GRM7: variants seen among roughly 807,000 people sequenced by gnomAD.
The protein encoded by GRM7 is metabotropic glutamate receptor 7.
Under a neutral mutation model 84.5 loss-of-function variants are expected in GRM7, and 35 were observed. The observed-to-expected ratio is 0.41, with a 90% CI of 0.32 to 0.55. GRM7 has a LOEUF of 0.55. Ranked by LOEUF, GRM7 falls within the 20% of genes least tolerant of loss-of-function variation. The pLI, the probability that GRM7 is intolerant of heterozygous loss-of-function variation, is 0.19. For synonymous variants in GRM7, 487 were observed against 455.1 expected (o/e 1.07, Z -0.89); for missense variants, 1,003 against 1,194.6 (o/e 0.84, Z 2.36).
rs189295300 is a variant in GRM7 at position 7,346,699 on chromosome 3, T to G, written c.1033+40047T>G. 1.3e-3 allele frequency among the ~76,000 whole-genome samples: 192 copies of G among 152,216 alleles called. 1 individual carries two copies. The highest frequency in any genetic ancestry group is 6.8e-3 in the Middle Eastern group (2 of 294). On this transcript the variant is annotated intron_variant, in intron 4 of 9. Transcript: ENST00000357716. The stretch of plus-strand genomic sequence containing the variant: ...CTAAGTGAACAATTAAAGCACCCAC[T>G]GGAAAACGTACTACCAGTGAACTCA...
chr3:7,579,073 G>T lies in GRM7; in HGVS notation c.2167G>T (p.Val723Phe). 1 of 1,614,090 alleles carries T rather than the reference G, an allele frequency of 6.2e-7. No individual in the cohort carries two copies. Among genetic ancestry groups the T allele is most frequent in the Non-Finnish European group, 8.5e-7 (1 of 1,179,994 alleles). Residue 723 changes from valine (V) to phenylalanine (F), a missense_variant, in exon 8 of 10, where the codon GTT becomes TTT. Around this residue, in one of 2 missense-constraint regions of GRM7, gnomAD observed 910 missense variants for 1,126.0 expected, o/e 0.81. Coordinates refer to ENST00000357716, the MANE Select transcript of GRM7 (RefSeq NM_000844.4). ...QLLGVFIWFG[V>F]DPPNIIIDYD... ...TCTAGGGGTGTTCATTTGGTTTGGT[G>T]TTGATCCACCCAACATCATCATAGA...
rs1421482712 is a variant in GRM7, at chr3:7,620,527, C to T, written c.2451+41170C>T. ...AGAGTGAAATGAGAAGAACAGCAGT[C>T]CTCATTTTATATTTGAAGCAGTCTT... On this transcript the variant is annotated intron_variant, in intron 8 of 9. Coordinates refer to ENST00000357716, the MANE Select transcript of GRM7 (RefSeq NM_000844.4). Among the ~76,000 whole-genome samples the T allele has an allele frequency of 3.9e-5, 6 of 152,132 alleles. No homozygotes were observed. The South Asian group carries it at 1.0e-3, about 26-fold the overall frequency.
chr3:7,692,043 C>T (rs1700822219), intron 9 of GRM7, among the ~76,000 whole-genome samples: 1 of 152,132 alleles, frequency 6.6e-6, no homozygotes, highest in Non-Finnish European at 1.5e-5. Flanking sequence ...AGTTGGAAGT[C>T]ATGATATCTA....
chr3:7,428,708 G>T (rs17047327), intron 5 of GRM7, among the ~76,000 whole-genome samples: 10,567 of 152,078 alleles, frequency 0.069, 1,121 homozygotes, highest in African/African-American at 0.23. Flanking sequence ...CAGCACAAAA[G>T]GGGAGAACTT....
At chr3:7,448,933 C>G (rs1434031329) in intron 5 of GRM7, among the ~76,000 whole-genome samples, 2 of 151,364 alleles carry the variant, frequency 1.3e-5, no homozygotes, top group African/African-American at 4.9e-5. Context: ...TTATAATGGT[C>G]GAAATGCCTC....
intron 1 of GRM7, among the ~76,000 whole-genome samples, chr3:7,112,994 C>A (rs1171513553): frequency 6.6e-6 from 1 of 151,986 alleles, no homozygotes; most frequent in Non-Finnish European, 1.5e-5. Flanking sequence ...TCAAACTTTT[C>A]AAAATGAGCT....
intron 1 of GRM7, among the ~76,000 whole-genome samples, chr3:7,011,074 T>C (rs1396428039): frequency 6.6e-6 from 1 of 152,162 alleles, no homozygotes; most frequent in Non-Finnish European, 1.5e-5. Flanking sequence ...CCTGGCTAAC[T>C]CTACAACATA....
At chr3:7,159,695 A>T (rs1226788794) in intron 2 of GRM7, among the ~76,000 whole-genome samples, 1 of 152,136 alleles carries the variant, frequency 6.6e-6, no homozygotes, top group Non-Finnish European at 1.5e-5. Flanking sequence ...TCACATTAGA[A>T]ATGTGTGGGT....
At chr3:7,089,323 T>A (rs1698579436) in intron 1 of GRM7, among the ~76,000 whole-genome samples, 1 of 152,212 alleles carries the variant, frequency 6.6e-6, no homozygotes, top group Admixed American at 6.5e-5. Context: ...TGTAATTTTC[T>A]TGCATCAGCT....
At chr3:7,159,597 C>T (rs973301567) in intron 2 of GRM7, among the ~76,000 whole-genome samples, 6 of 152,170 alleles carry the variant, frequency 3.9e-5, no homozygotes, top group African/African-American at 1.4e-4. Context: ...CTCCAAACAT[C>T]AATCGAACAC....
At chr3:7,067,139 C>G (rs1283300639) in intron 1 of GRM7, among the ~76,000 whole-genome samples, 2 of 151,930 alleles carry the variant, frequency 1.3e-5, no homozygotes, top group African/African-American at 4.8e-5. Flanking sequence ...CTCACCGCTC[C>G]TCTTCAACAT....
chr3:7,271,346 T>G (rs1257591712), intron 2 of GRM7, among the ~76,000 whole-genome samples: 3 of 151,850 alleles, frequency 2.0e-5, no homozygotes, highest in Non-Finnish European at 4.4e-5. Flanking sequence ...GATCACGAGG[T>G]CAGGAGATCG....
rs186669397 is a variant in GRM7 at position 7,335,186 on chromosome 3, T to A, written c.1033+28534T>A. ...GCCACAAAACAAGTCTCAATAAGTT[T>A]AAGATAATCTAAATTTTATCAAGTA... On this transcript the variant is annotated intron_variant, in intron 4 of 9. Coordinates refer to ENST00000357716, the MANE Select transcript of GRM7 (RefSeq NM_000844.4). Among the ~76,000 whole-genome samples the A allele has an allele frequency of 2.0e-5, 3 of 152,256 alleles. No individual in the cohort carries two copies. In the East Asian group the frequency reaches 5.8e-4, roughly 29 times the overall value.
At chr3:7,580,539 G>A (rs1391080043) in intron 8 of GRM7, among the ~76,000 whole-genome samples, 1 of 152,106 alleles carries the variant, frequency 6.6e-6, no homozygotes, top group Admixed American at 6.5e-5. Flanking sequence ...TCATACAAAG[G>A]ATTAATGGCA....
intron 7 of GRM7, among the ~76,000 whole-genome samples, chr3:7,480,552 A>T (rs1399026840): frequency 3.3e-5 from 5 of 152,242 alleles, no homozygotes; most frequent in Admixed American, 3.3e-4. Flanking sequence ...TAAACATTAA[A>T]TAAAAAGTAA....
At chr3:7,371,301 T>C (rs748675486) in intron 4 of GRM7, among the ~76,000 whole-genome samples, 5 of 152,154 alleles carry the variant, frequency 3.3e-5, no homozygotes, top group Non-Finnish European at 7.4e-5. Flanking sequence ...GCAGGCAGTT[T>C]GCAGACAGAC....
intron 4 of GRM7, among the ~76,000 whole-genome samples, chr3:7,375,608 C>A (rs1694319409): frequency 6.6e-6 from 1 of 152,118 alleles, no homozygotes; most frequent in Non-Finnish European, 1.5e-5. Context: ...ATGCCCTGCT[C>A]TTTCTCACCT....
intron 7 of GRM7, among the ~76,000 whole-genome samples, chr3:7,506,728 A>T (rs1309969344): frequency 6.6e-6 from 1 of 152,184 alleles, no homozygotes; most frequent in Non-Finnish European, 1.5e-5. Context: ...GGAGAGTCAG[A>T]TACAGTTTAT....
chr3:7,561,096 C>T (rs956344338), intron 7 of GRM7, among the ~76,000 whole-genome samples: 23 of 152,120 alleles, frequency 1.5e-4, no homozygotes, highest in African/African-American at 5.3e-4. Context: ...TGCAGTTCAA[C>T]TGAAACTACT....
Sources: allele counts gnomAD v4.1 joint callset (sites outside exome capture counted in the v4.1 genomes callset), GRCh38; gene constraint gnomAD v4.1.1; regional missense constraint gnomAD v4.1.1; transcripts MANE v1.5; gene names NCBI Gene and HGNC (gene_info 2026-07-23, HGNC 2026-07-21).